The following OSMR variants were observed in gnomAD, a reference collection of about 807,000 sequenced individuals.
OSMR encodes the protein oncostatin-M-specific receptor subunit beta.
In OSMR, 81 loss-of-function variants were observed where a neutral mutation model predicts 99.9. The ratio of observed to expected loss-of-function variants is 0.81; its 90% CI spans 0.68 to 0.97. OSMR has a LOEUF of 0.97. OSMR is among the 50% of genes least tolerant of loss of function. OSMR has a pLI of 0.00. For synonymous variants in OSMR, 406 were observed against 410.4 expected, an observed-to-expected ratio of 0.99 and a Z score of 0.13; for missense variants, 1,099 against 1,153.4, an observed-to-expected ratio of 0.95 and a Z score of 0.68.
intron 1 of OSMR, among the ~76,000 whole-genome samples, chr5:38,857,749 T>C (rs1414164521): frequency 6.6e-6 from 1 of 152,054 alleles, no homozygotes; most frequent in Non-Finnish European, 1.5e-5. Flanking sequence ...CTTACTGTAA[T>C]CGCCGCCTCC....
intron 7 of OSMR, among the ~76,000 whole-genome samples, chr5:38,902,593 T>C (rs1744966116): frequency 6.6e-6 from 1 of 152,228 alleles, no homozygotes; most frequent in South Asian, 2.1e-4. Flanking sequence ...ATTAGGCCAG[T>C]GCCCTTCGGT....
intron 1 of OSMR, among the ~76,000 whole-genome samples, chr5:38,857,730 C>A (rs1011380386): frequency 6.6e-6 from 1 of 151,902 alleles, no homozygotes; most frequent in African/African-American, 2.4e-5. Context: ...TGCAATGGTG[C>A]CATCTCAGCT....
At chr5:38,853,695 C>T (rs1285195709) in intron 1 of OSMR, among the ~76,000 whole-genome samples, 3 of 152,160 alleles carry the variant, frequency 2.0e-5, no homozygotes, top group African/African-American at 7.2e-5. Context: ...CTTTTAGAGA[C>T]TCAGCTTTAA....
chr5:38,914,329 C>G (rs552133482), intron 9 of OSMR, among the ~76,000 whole-genome samples: 6 of 152,102 alleles, frequency 3.9e-5, no homozygotes, highest in Non-Finnish European at 8.8e-5. Context: ...CTAATGAGGA[C>G]ACAAGTCAAA....
chr5:38,887,855 A>G (rs566063210), intron 7 of OSMR, among the ~76,000 whole-genome samples: 2 of 152,152 alleles, frequency 1.3e-5, no homozygotes, highest in Non-Finnish European at 2.9e-5. Context: ...CTCTGTTAAA[A>G]TCATTTCATA....
chr5:38,881,064 A>G (rs1743245430), intron 3 of OSMR, among the ~76,000 whole-genome samples: 1 of 152,228 alleles, frequency 6.6e-6, no homozygotes, highest in South Asian at 2.1e-4. Context: ...GGAGACTCAG[A>G]GAGCCATCTA....
In OSMR at chr5:38,876,212, C is replaced by G. The variant is rs200962324; in HGVS notation, c.85C>G (p.Arg29Gly). 9.3e-6 allele frequency: 15 copies of G among 1,612,376 alleles called. 1 individual carries two copies. In the South Asian group the frequency reaches 1.5e-4, roughly 17 times the overall value. Residue 29 changes from arginine to glycine, a missense_variant, in exon 3 of 18, where the codon CGT (arginine) becomes GGT (glycine). By Grantham distance (125) the Arg-to-Gly change is moderately radical. Transcript: ENST00000274276. ...RTYQSEVLAERLPLTPVSLKV... is the reference protein window; with the variant it reads ...RTYQSEVLAEGLPLTPVSLKV... Reference sequence around the variant, plus strand: ...TTTGATCTTTTCAGTCTTGGCTGAACGTTTACCATTGACTCCTGTATCACT... The same window carrying G: ...TTTGATCTTTTCAGTCTTGGCTGAAGGTTTACCATTGACTCCTGTATCACT...
At chr5:38,909,751 C>A (rs1242667638) in intron 9 of OSMR, among the ~76,000 whole-genome samples, 1 of 152,196 alleles carries the variant, frequency 6.6e-6, no homozygotes, top group Non-Finnish European at 1.5e-5. Flanking sequence ...AAAAGGAAGT[C>A]CATTACCAAC....
intron 7 of OSMR, among the ~76,000 whole-genome samples, chr5:38,894,321 C>A (rs1298667266): frequency 1.3e-5 from 2 of 151,598 alleles, no homozygotes; most frequent in African/African-American, 4.8e-5. Context: ...CCTCCTATAT[C>A]AATATAAATC....
chr5:38,917,122 A>G (rs935538737), intron 9 of OSMR, among the ~76,000 whole-genome samples: 3 of 152,146 alleles, frequency 2.0e-5, no homozygotes, highest in African/African-American at 7.2e-5. Context: ...AACTTGAGGA[A>G]GAACGCATCC....
exon 3 of OSMR, chr5:38,945,102 C>A (rs1748035866): frequency 6.9e-7 from 1 of 1,446,840 alleles, no homozygotes; most frequent in South Asian, 1.2e-5. Flanking sequence ...AATTAAAGCA[C>A]CATAACGGCT....
chr5:38,936,721 C>T (rs1468363079), downstream of OSMR, among the ~76,000 whole-genome samples: 3 of 152,156 alleles, frequency 2.0e-5, no homozygotes, highest in East Asian at 5.8e-4. Flanking sequence ...AAGCAGTCTG[C>T]ATAAAGTAGA....
chr5:38,918,535 C>G (rs1360820340), intron 10 of OSMR, among the ~76,000 whole-genome samples: 1 of 152,138 alleles, frequency 6.6e-6, no homozygotes, highest in African/African-American at 2.4e-5. Context: ...CTACCCCTCA[C>G]ATTCTTTTTT....
rs913803003 is a variant in OSMR at position 38,861,105 on chromosome 5, GTTTTTA to G, written c.-13-7909_-13-7904del. 1.5e-3 allele frequency among the ~76,000 whole-genome samples: 222 copies of G among 152,194 alleles called. 1 individual carries two copies. Among genetic ancestry groups the G allele is most frequent in the African/African-American group, 4.7e-3 (195 of 41,538 alleles). On this transcript the variant is annotated intron_variant, in intron 1 of 17. Coordinates refer to ENST00000274276, the MANE Select transcript of OSMR (RefSeq NM_003999.3). ...TGAGGAAACACTTGATATGATTTTGGTTTTTATTTTTATTTTTATTTTTTTGAAATT... is the reference window on the plus strand; with the variant it reads ...TGAGGAAACACTTGATATGATTTTGGTTTTTATTTTTATTTTTTTGAAATT...
intron 7 of OSMR, among the ~76,000 whole-genome samples, chr5:38,902,486 T>A (rs552524706): frequency 2.2e-3 from 339 of 152,350 alleles, no homozygotes; most frequent in African/African-American, 6.4e-3. Context: ...ATTTTTCCCC[T>A]AAAAGAACAA....
chr5:38,852,666 C>T (rs1227470477), intron 1 of OSMR, among the ~76,000 whole-genome samples: 1 of 135,602 alleles, frequency 7.4e-6, no homozygotes, highest in East Asian at 2.2e-4. Flanking sequence ...TCTAAGAACT[C>T]TTTGTATATG....
intron 11 of OSMR, among the ~76,000 whole-genome samples, chr5:38,920,467 A>G (rs553593630): frequency 1.3e-5 from 2 of 152,242 alleles, no homozygotes; most frequent in Non-Finnish European, 2.9e-5. Flanking sequence ...CAATAAGTCA[A>G]GTGAAAAATG....
intron 9 of OSMR, among the ~76,000 whole-genome samples, chr5:38,913,897 T>C (rs991698124): frequency 6.6e-6 from 1 of 152,198 alleles, no homozygotes; most frequent in Non-Finnish European, 1.5e-5. Flanking sequence ...TGTACGCATT[T>C]GTTTGCAATG....
At chr5:38,921,834 C>A in intron 12 of OSMR, 40 bp downstream of exon 12, 1 of 1,534,194 alleles carries the variant, frequency 6.5e-7, no homozygotes, top group Non-Finnish European at 9.0e-7. Context: ...GCTATATTCA[C>A]CTTGAAGAAA....
Sources: allele counts gnomAD v4.1 joint callset (sites outside exome capture counted in the v4.1 genomes callset), GRCh38; gene constraint gnomAD v4.1.1; transcripts MANE v1.5; gene names NCBI Gene and HGNC (gene_info 2026-07-23, HGNC 2026-07-21).